The following SGCD variants were observed in gnomAD, a reference collection of about 807,000 sequenced individuals.
SGCD encodes the protein delta-sarcoglycan.
SGCD carries 18 observed loss-of-function variants against 36.6 expected under a neutral mutation model. That is an observed-to-expected ratio of 0.49 (90% CI 0.34 to 0.73). The LOEUF is 0.73. SGCD is among the 30% of genes least tolerant of loss of function. The pLI is 0.01. For missense variants in SGCD, 387 were observed against 346.7 expected (o/e 1.12, Z -0.92); for synonymous variants, 133 against 130.6 (o/e 1.02, Z -0.12).
chr5:155,820,888 T>A, the SGCD span, among the ~76,000 whole-genome samples: 2 of 151,888 alleles, frequency 1.3e-5, no homozygotes, highest in Non-Finnish European at 2.9e-5. Flanking sequence ...ACCAAGCAGA[T>A]CAGGGTTTCA....
At chr5:155,806,802 TTAGATAATA>T in the SGCD span, among the ~76,000 whole-genome samples, 5 of 152,322 alleles carry the variant, frequency 3.3e-5, 1 homozygote, top group African/African-American at 1.2e-4. Flanking sequence ...ATTGTTTCTT[TTAGATAATA>T]TTTTGTGGTT....
At chr5:156,480,447 G>T (rs549567144) in intron 3 of SGCD, among the ~76,000 whole-genome samples, 1 of 152,234 alleles carries the variant, frequency 6.6e-6, no homozygotes, top group Non-Finnish European at 1.5e-5. Context: ...GTCTCTTCTT[G>T]AATAAAAACC....
In SGCD at chr5:156,707,450, GTCTTTTC is replaced by G. The variant is rs1232566955; in HGVS notation, c.576-50124_576-50118del. Among the ~76,000 whole-genome samples the G allele has an allele frequency of 2.6e-5, 4 of 152,102 alleles. No homozygotes were observed. In the East Asian group the frequency reaches 7.7e-4, roughly 29 times the overall value. ...CTATCAGATCTTACTACCAGACCCA[GTCTTTTC>G]TCTTTTAATAAGGGAAGTTTTATGG... On this transcript the variant is annotated intron_variant, in intron 7 of 8. Transcript: ENST00000337851.
intron 1 of SGCD, among the ~76,000 whole-genome samples, chr5:156,043,605 A>C (rs758671809): frequency 6.6e-6 from 1 of 151,942 alleles, no homozygotes; most frequent in Non-Finnish European, 1.5e-5. Context: ...AAAAGCTTTT[A>C]TTTTGTCACC....
At chr5:156,735,606 T>A (rs1223527238) in intron 7 of SGCD, among the ~76,000 whole-genome samples, 1 of 152,126 alleles carries the variant, frequency 6.6e-6, no homozygotes, top group Non-Finnish European at 1.5e-5. Context: ...ACAGTAAAGA[T>A]GACAGCCTGC....
chr5:155,926,552 T>A (rs904631444), intron 1 of SGCD, among the ~76,000 whole-genome samples: 4 of 152,230 alleles, frequency 2.6e-5, no homozygotes, highest in Admixed American at 2.6e-4. Context: ...ACAATTTAAA[T>A]TAAAGATATC....
intron 1 of SGCD, among the ~76,000 whole-genome samples, chr5:156,050,758 T>C (rs998998): frequency 0.015 from 2,128 of 146,642 alleles, 199 homozygotes; most frequent in African/African-American, 0.033. Context: ...ATTTTGCCTT[T>C]TCTAGCTTCT....
the SGCD span, among the ~76,000 whole-genome samples, chr5:155,750,102 A>G: frequency 9.2e-5 from 14 of 152,350 alleles, no homozygotes; most frequent in Middle Eastern, 3.4e-3. Flanking sequence ...CTTTTAGTTT[A>G]AAAGTTTAGT....
chr5:156,608,241 G>T (rs1761583935), intron 6 of SGCD, among the ~76,000 whole-genome samples: 1 of 152,168 alleles, frequency 6.6e-6, no homozygotes, highest in Non-Finnish European at 1.5e-5. Context: ...CTGGTATGTT[G>T]TGTCTTTGTT....
At chr5:156,241,943 T>G (rs1765316520) in intron 3 of SGCD, among the ~76,000 whole-genome samples, 1 of 152,128 alleles carries the variant, frequency 6.6e-6, no homozygotes, top group African/African-American at 2.4e-5. Flanking sequence ...TGGAGCATAG[T>G]GGCCCAGAAT....
intron 1 of SGCD, among the ~76,000 whole-genome samples, chr5:156,073,176 C>G (rs1003421277): frequency 1.2e-4 from 19 of 152,118 alleles, no homozygotes; most frequent in African/African-American, 4.3e-4. Flanking sequence ...ATTCAGGAAA[C>G]TTGCTTGTAA....
intron 6 of SGCD, among the ~76,000 whole-genome samples, chr5:156,605,672 A>C (rs9885311): frequency 0.25 from 37,704 of 152,118 alleles, 4,823 homozygotes; most frequent in East Asian, 0.31. Flanking sequence ...CCAACAGTGT[A>C]AAAGTGTTCC....
intron 7 of SGCD, among the ~76,000 whole-genome samples, chr5:156,649,000 G>T (rs1354607935): frequency 6.6e-6 from 1 of 152,080 alleles, no homozygotes; most frequent in Non-Finnish European, 1.5e-5. Flanking sequence ...TTAGCCCCAA[G>T]AAAAAGTGCT....
chr5:156,346,929 CTGGGACTACAGG>C lies in SGCD; in HGVS notation c.192+2255_192+2266del, dbSNP rs1294885384. Among the ~76,000 whole-genome samples, 4 of 152,164 alleles carry C rather than the reference CTGGGACTACAGG, an allele frequency of 2.6e-5. No individual in the cohort carries two copies. The East Asian group carries it at 7.7e-4, about 29-fold the overall frequency. On this transcript the variant is annotated intron_variant, in intron 3 of 8. Transcript: ENST00000337851. ...TCTCCTGCCTCAGCCTCCCGAGTAGCTGGGACTACAGGTGCGCACCACCACGCCCAGCTAATT... is the reference window on the plus strand; with the variant it reads ...TCTCCTGCCTCAGCCTCCCGAGTAGCTGCGCACCACCACGCCCAGCTAATT...
At chr5:156,751,349 G>T (rs951298938) in intron 7 of SGCD, among the ~76,000 whole-genome samples, 1 of 152,070 alleles carries the variant, frequency 6.6e-6, no homozygotes, top group Non-Finnish European at 1.5e-5. Flanking sequence ...AATGAAAAAA[G>T]AAAACATAAA....
intron 3 of SGCD, among the ~76,000 whole-genome samples, chr5:156,494,497 G>C (rs1756092425): frequency 6.6e-6 from 1 of 151,880 alleles, no homozygotes; most frequent in Non-Finnish European, 1.5e-5. Context: ...AAAATCACAG[G>C]ATCTATTATA....
chr5:156,039,291 A>G, intron 1 of SGCD, among the ~76,000 whole-genome samples: 1 of 151,996 alleles, frequency 6.6e-6, no homozygotes, highest in East Asian at 1.9e-4. Flanking sequence ...TGCATTTCTA[A>G]CTGACAATAT....
At chr5:156,257,240 C>T (rs894348963) in intron 3 of SGCD, among the ~76,000 whole-genome samples, 5 of 150,704 alleles carry the variant, frequency 3.3e-5, no homozygotes, top group Non-Finnish European at 7.4e-5. Flanking sequence ...TTTGGGAGGC[C>T]GAGGCGGGCG....
chr5:155,776,202 A>G, the SGCD span, among the ~76,000 whole-genome samples: 1 of 152,136 alleles, frequency 6.6e-6, no homozygotes, highest in Non-Finnish European at 1.5e-5. Context: ...ACCCAGGAAT[A>G]TAGGACGGCA....
Sources: gnomAD v4.1 joint callset for allele counts (sites outside exome capture counted in the v4.1 genomes callset) on GRCh38, gnomAD v4.1.1 for gene constraint, MANE v1.5 for transcripts, NCBI Gene and HGNC (gene_info 2026-07-23, HGNC 2026-07-21) for gene names.